KCNIP4: variants seen among roughly 807,000 people sequenced by gnomAD.
KCNIP4 encodes the protein Kv channel-interacting protein 4.
KCNIP4 carries 12 observed loss-of-function variants against 34.0 expected under a neutral mutation model. The ratio of observed to expected loss-of-function variants is 0.35; its 90% CI spans 0.23 to 0.57. The LOEUF (loss-of-function observed/expected upper bound fraction) is 0.57. KCNIP4 is among the 20% of genes least tolerant of loss of function. The pLI is 0.83. For synonymous variants in KCNIP4, 124 were observed against 102.2 expected (o/e 1.21, Z -1.29); for missense variants, 238 against 311.7 (o/e 0.76, Z 1.78).
chr4:21,287,688 C>T (rs1289161429), intron 1 of KCNIP4, among the ~76,000 whole-genome samples: 1 of 152,022 alleles, frequency 6.6e-6, no homozygotes, highest in Non-Finnish European at 1.5e-5. Context: ...CTTATGACTC[C>T]CACATAAACC....
At chr4:21,378,856 C>G (rs752373163) in intron 1 of KCNIP4, among the ~76,000 whole-genome samples, 1 of 152,042 alleles carries the variant, frequency 6.6e-6, no homozygotes, top group African/African-American at 2.4e-5. Context: ...ATACATACTA[C>G]GTAGCTATCT....
At chr4:21,728,512 G>T (rs950419212) in intron 1 of KCNIP4, among the ~76,000 whole-genome samples, 1 of 152,098 alleles carries the variant, frequency 6.6e-6, no homozygotes, top group South Asian at 2.1e-4. Context: ...TTACAGTCTA[G>T]TCTTAATGCA....
intron 1 of KCNIP4, among the ~76,000 whole-genome samples, chr4:21,767,092 A>T (rs1162630394): frequency 6.6e-6 from 1 of 152,186 alleles, no homozygotes; most frequent in Non-Finnish European, 1.5e-5. Context: ...ACATCTGAGA[A>T]GAGGTGAGGA....
At chr4:21,722,136 CA>C (rs758755614) in intron 1 of KCNIP4, among the ~76,000 whole-genome samples, 8 of 152,144 alleles carry the variant, frequency 5.3e-5, no homozygotes, top group Non-Finnish European at 8.8e-5. Flanking sequence ...TTCACCAGTA[CA>C]AACAAGAACT....
At chr4:21,678,469 G>A (rs909829338) in intron 1 of KCNIP4, among the ~76,000 whole-genome samples, 1 of 152,104 alleles carries the variant, frequency 6.6e-6, no homozygotes, top group Admixed American at 6.5e-5. Flanking sequence ...TTAGAATGCT[G>A]CAGTGGTTCC....
chr4:21,173,242 GAT>G (rs1254603451), intron 1 of KCNIP4, among the ~76,000 whole-genome samples: 1 of 151,948 alleles, frequency 6.6e-6, no homozygotes, highest in African/African-American at 2.4e-5. Context: ...TTACAGGAAA[GAT>G]ATTAAAAAGT....
At chr4:21,299,209 G>T (rs899934351) in intron 1 of KCNIP4, among the ~76,000 whole-genome samples, 2 of 151,800 alleles carry the variant, frequency 1.3e-5, no homozygotes, top group Non-Finnish European at 2.9e-5. Flanking sequence ...ATAATAAAAA[G>T]ATATTAATAT....
chr4:21,647,005 A>G (rs1328445081), intron 1 of KCNIP4, among the ~76,000 whole-genome samples: 1 of 152,146 alleles, frequency 6.6e-6, no homozygotes, highest in Non-Finnish European at 1.5e-5. Flanking sequence ...AAACCACAAC[A>G]GTTTTTCAGT....
At chr4:21,568,106 G>A (rs1403405363) in intron 1 of KCNIP4, among the ~76,000 whole-genome samples, 2 of 152,086 alleles carry the variant, frequency 1.3e-5, no homozygotes, top group African/African-American at 2.4e-5. Flanking sequence ...TGAGGGGGAG[G>A]ATAAATAGAA....
chr4:21,430,602 C>T (rs1165028240), intron 1 of KCNIP4, among the ~76,000 whole-genome samples: 1 of 151,936 alleles, frequency 6.6e-6, no homozygotes, highest in Non-Finnish European at 1.5e-5. Context: ...CATAATTTAG[C>T]CATTATTTAT....
intron 1 of KCNIP4, among the ~76,000 whole-genome samples, chr4:21,626,276 TG>T (rs1745315198): frequency 6.6e-6 from 1 of 151,948 alleles, no homozygotes; most frequent in Non-Finnish European, 1.5e-5. Context: ...TGATGGTACG[TG>T]GAGATGAAGA....
chr4:21,639,568 GA>G (rs34892555), intron 1 of KCNIP4, among the ~76,000 whole-genome samples: 67,091 of 151,856 alleles, frequency 0.44, 15,348 homozygotes, highest in Non-Finnish European at 0.5. Context: ...AATCTGACAA[GA>G]ATATTGATAA....
At chr4:21,811,521 G>C (rs1268706727) in intron 1 of KCNIP4, among the ~76,000 whole-genome samples, 5 of 152,302 alleles carry the variant, frequency 3.3e-5, no homozygotes, top group East Asian at 3.9e-4. Flanking sequence ...TGAATCTGCA[G>C]CAAAACTCAA....
intron 1 of KCNIP4, among the ~76,000 whole-genome samples, chr4:21,250,123 T>TCTTTC (rs200007017): frequency 6.7e-6 from 1 of 148,236 alleles, no homozygotes; most frequent in African/African-American, 2.6e-5. Context: ...TTTCTTTCTT[T>TCTTTC]TTTTTTTTCC....
At chr4:21,558,318 C>G (rs1039348195) in intron 1 of KCNIP4, among the ~76,000 whole-genome samples, 4 of 151,916 alleles carry the variant, frequency 2.6e-5, no homozygotes, top group African/African-American at 9.7e-5. Context: ...ATGGTGAAAC[C>G]CTGTCTCTAC....
chr4:20,956,772 C>A (rs913221373), intron 1 of KCNIP4, among the ~76,000 whole-genome samples: 5 of 152,064 alleles, frequency 3.3e-5, no homozygotes, highest in African/African-American at 1.2e-4. Flanking sequence ...CAACCTCTTA[C>A]AAAAAACCAA....
At chr4:21,145,978 C>T (rs566068118) in intron 1 of KCNIP4, among the ~76,000 whole-genome samples, 14 of 152,164 alleles carry the variant, frequency 9.2e-5, no homozygotes, top group Non-Finnish European at 2.1e-4. Context: ...TGTTTAATTC[C>T]GTGTATGAAT....
chr4:21,178,943 G>C (rs572656485), intron 1 of KCNIP4, among the ~76,000 whole-genome samples: 1 of 150,740 alleles, frequency 6.6e-6, no homozygotes, highest in Non-Finnish European at 1.5e-5. Flanking sequence ...TCATCCTACT[G>C]AGTGGCTGGG....
chr4:21,910,202 A>G (rs1056162944), intron 1 of KCNIP4, among the ~76,000 whole-genome samples: 1 of 152,144 alleles, frequency 6.6e-6, no homozygotes, highest in Non-Finnish European at 1.5e-5. Context: ...GAGGTCAGGT[A>G]ATATCCAATC....
Sources: gnomAD v4.1 joint callset for allele counts (sites outside exome capture counted in the v4.1 genomes callset) on GRCh38, gnomAD v4.1.1 for gene constraint, MANE v1.5 for transcripts, NCBI Gene and HGNC (gene_info 2026-07-23, HGNC 2026-07-21) for gene names.